The following PPM1H variants were observed in gnomAD, a reference collection of about 807,000 sequenced individuals.
The protein encoded by PPM1H is protein phosphatase, Mg2+/Mn2+ dependent 1H.
Under a neutral mutation model 54.9 loss-of-function variants are expected in PPM1H, and 27 were observed. The observed-to-expected ratio is 0.49, with a 90% CI of 0.36 to 0.68. The LOEUF (loss-of-function observed/expected upper bound fraction) is 0.68, where lower values mean the gene tolerates loss of function less well. PPM1H is among the 30% of genes least tolerant of loss of function. The pLI is 0.00. For synonymous variants in PPM1H, 305 were observed against 270.8 expected (o/e 1.13, Z -1.24); for missense variants, 596 against 667.8 (o/e 0.89, Z 1.19).
intron 4 of PPM1H, among the ~76,000 whole-genome samples, chr12:62,765,935 G>A (rs1315211944): frequency 1.3e-5 from 2 of 152,250 alleles, no homozygotes; most frequent in East Asian, 1.9e-4. Flanking sequence ...AAGGTAGAAA[G>A]AGGCTAGAAT....
intron 1 of PPM1H, among the ~76,000 whole-genome samples, chr12:62,910,197 A>T (rs1049735109): frequency 6.6e-6 from 1 of 152,166 alleles, no homozygotes; most frequent in Admixed American, 6.6e-5. Flanking sequence ...GGAGCACAGG[A>T]GAGAGGGGAG....
chr12:62,786,685 C>T (rs1056371945), intron 4 of PPM1H, among the ~76,000 whole-genome samples: 6 of 152,200 alleles, frequency 3.9e-5, no homozygotes, highest in African/African-American at 1.2e-4. Context: ...CTACCTCCTT[C>T]ATTCACAGTT....
chr12:62,788,493 T>A (rs180994171), intron 3 of PPM1H, 155 bp from the exon 4 acceptor site: 1 of 563,908 alleles, frequency 1.8e-6, no homozygotes, highest in African/African-American at 1.9e-5. Flanking sequence ...CTGATGAGCA[T>A]TTCTGGAGAG....
At chr12:62,871,482 AAT>A (rs1436552950) in intron 1 of PPM1H, among the ~76,000 whole-genome samples, 1 of 151,364 alleles carries the variant, frequency 6.6e-6, no homozygotes, top group Non-Finnish European at 1.5e-5. Context: ...CAACCTTGTG[AAT>A]ATATTGAAAA....
At chr12:62,895,750 C>T (rs1870965485) in intron 1 of PPM1H, among the ~76,000 whole-genome samples, 1 of 152,146 alleles carries the variant, frequency 6.6e-6, no homozygotes, top group African/African-American at 2.4e-5. Flanking sequence ...CTCTTCCTCT[C>T]ACGCCATCTG....
intron 6 of PPM1H, among the ~76,000 whole-genome samples, chr12:62,716,924 G>C (rs2076237849): frequency 6.6e-6 from 1 of 152,166 alleles, no homozygotes; most frequent in African/African-American, 2.4e-5. Flanking sequence ...AAGTTGGGGG[G>C]AGTGCTTTAC....
rs146314127 is a variant in PPM1H, at chr12:62,690,007, G to A, written c.1138-201C>T. ...CCAAAATCACTTCTGTATTTGAGGA[G>A]TGCTTTTTCTATCCATTATCTTAAG... On this transcript the variant is annotated intron_variant, in intron 7 of 9. Coordinates refer to ENST00000228705, the MANE Select transcript of PPM1H (RefSeq NM_020700.2). 1.1e-3 allele frequency among the ~76,000 whole-genome samples: 172 copies of A among 152,314 alleles called. 1 individual carries two copies. The highest frequency in any genetic ancestry group is 3.9e-3 in the African/African-American group (164 of 41,560).
At chr12:62,693,743 C>T (rs1361281036) in intron 7 of PPM1H, among the ~76,000 whole-genome samples, 193 bp downstream of exon 7, 1 of 152,216 alleles carries the variant, frequency 6.6e-6, no homozygotes. Context: ...TCACCGCCCA[C>T]CTCCCACCCC....
At chr12:62,804,076 A>G (rs1424838913) in intron 2 of PPM1H, among the ~76,000 whole-genome samples, 1 of 152,338 alleles carries the variant, frequency 6.6e-6, no homozygotes, top group Non-Finnish European at 1.5e-5. Flanking sequence ...TCATGGTGAA[A>G]TACTGCATGC....
intron 4 of PPM1H, among the ~76,000 whole-genome samples, chr12:62,782,309 C>T (rs2076647243): frequency 6.6e-6 from 1 of 152,118 alleles, no homozygotes; most frequent in Non-Finnish European, 1.5e-5. Context: ...TATTTTACCA[C>T]CAGCAAAGGG....
chr12:62,744,739 G>A (rs929230809), intron 4 of PPM1H, among the ~76,000 whole-genome samples: 37 of 152,156 alleles, frequency 2.4e-4, no homozygotes, highest in African/African-American at 8.9e-4. Flanking sequence ...CACCGGATGT[G>A]GTGCACAGTC....
intron 6 of PPM1H, among the ~76,000 whole-genome samples, chr12:62,700,379 C>T (rs1027927426): frequency 6.6e-6 from 1 of 152,140 alleles, no homozygotes; most frequent in African/African-American, 2.4e-5. Flanking sequence ...CTTGGTCCTG[C>T]TATTCTTCCT....
intron 1 of PPM1H, among the ~76,000 whole-genome samples, chr12:62,912,675 C>T (rs750778048): frequency 1.2e-4 from 19 of 152,206 alleles, no homozygotes; most frequent in South Asian, 4.1e-4. Context: ...ATAAGACAAA[C>T]GCAGGTATTA....
At chr12:62,746,012 T>TGA (rs571472122) in intron 4 of PPM1H, among the ~76,000 whole-genome samples, 69 of 151,984 alleles carry the variant, frequency 4.5e-4, no homozygotes, top group Non-Finnish European at 8.8e-4. Context: ...GGCAACATAC[T>TGA]GAGACCCTCG....
intron 9 of PPM1H, among the ~76,000 whole-genome samples, chr12:62,652,793 C>A (rs1239234980): frequency 6.6e-6 from 1 of 152,084 alleles, no homozygotes; most frequent in Non-Finnish European, 1.5e-5. Flanking sequence ...TAATCATTAT[C>A]ATTTACAATC....
intron 4 of PPM1H, chr12:62,756,071 C>G: frequency 8.6e-7 from 1 of 1,160,958 alleles, no homozygotes; most frequent in East Asian, 2.4e-5. Context: ...ACCAGGTTGT[C>G]TCCTCTGATT....
At chr12:62,852,768 G>A (rs1455116285) in intron 1 of PPM1H, among the ~76,000 whole-genome samples, 1 of 152,226 alleles carries the variant, frequency 6.6e-6, no homozygotes, top group East Asian at 1.9e-4. Flanking sequence ...GAAAGATATG[G>A]TGGTGAAACC....
intron 9 of PPM1H, 127 bp from the exon 10 acceptor site, chr12:62,648,763 GAA>G (rs1468889279): frequency 8.5e-6 from 9 of 1,057,770 alleles, no homozygotes; most frequent in Non-Finnish European, 1.2e-5. Flanking sequence ...CTTACAATAC[GAA>G]AAAGACAAGG....
At chr12:62,822,735 C>T (rs945786095) in intron 2 of PPM1H, among the ~76,000 whole-genome samples, 34 of 152,102 alleles carry the variant, frequency 2.2e-4, no homozygotes, top group African/African-American at 8.2e-4. Flanking sequence ...CTGGGACACA[C>T]TTAAAGCAGT....
Sources: gnomAD v4.1 joint callset for allele counts (sites outside exome capture counted in the v4.1 genomes callset) on GRCh38, gnomAD v4.1.1 for gene constraint, MANE v1.5 for transcripts, NCBI Gene and HGNC (gene_info 2026-07-23, HGNC 2026-07-21) for gene names.